The following STK25 variants were observed in gnomAD, a reference collection of about 807,000 sequenced individuals.
STK25 encodes serine/threonine-protein kinase 25.
STK25 carries 29 observed loss-of-function variants against 53.8 expected under a neutral mutation model. The observed-to-expected ratio is 0.54, with a 90% CI of 0.40 to 0.74. STK25 has a LOEUF of 0.74. STK25 is among the 30% of genes least tolerant of loss of function. The pLI, the probability that STK25 is intolerant of heterozygous loss-of-function variation, is 0.00. For synonymous variants in STK25, 247 were observed against 238.3 expected, an observed-to-expected ratio of 1.04 and a Z score of -0.33; for missense variants, 420 against 568.0, an observed-to-expected ratio of 0.74 and a Z score of 2.65.
intron 11 of STK25, among the ~76,000 whole-genome samples, chr2:241,495,995 G>C (rs1043579981): frequency 5.2e-4 from 79 of 152,216 alleles, no homozygotes; most frequent in Non-Finnish European, 1.0e-4. Flanking sequence ...GGAGGGCCCA[G>C]CATCTGTCCT....
intron 2 of STK25, among the ~76,000 whole-genome samples, chr2:241,504,750 TG>T (rs2124998367): frequency 6.6e-6 from 1 of 152,264 alleles, no homozygotes; most frequent in Non-Finnish European, 1.5e-5. Context: ...ATCAGCCCAC[TG>T]GCTGTCATAG....
intron 3 of STK25, 90 bp from the exon 4 acceptor site, chr2:241,500,886 C>T: frequency 7.6e-7 from 1 of 1,311,312 alleles, no homozygotes; most frequent in African/African-American, 1.5e-5. Context: ...CAGCCAGGGC[C>T]CAGGCCCCAC....
chr2:241,508,081 T>G lies in STK25; in HGVS notation c.-46A>C, dbSNP rs1297091103. 3 of 1,575,108 alleles carry G rather than the reference T, an allele frequency of 1.9e-6. No homozygotes were observed. Among genetic ancestry groups the G allele is most frequent in the Non-Finnish European group, 2.6e-6 (3 of 1,162,412 alleles). On this transcript the variant is annotated 5_prime_UTR_variant, in exon 2 of 12. Transcript: ENST00000316586. The stretch of plus-strand genomic sequence containing the variant: ...TCCGCCAGCAGCCCCAGGAGGCGTC[T>G]GGATCCCGCGGAGAGGCGCGGAGCC...
In STK25 at chr2:241,498,764, G is replaced by A. The variant is rs747049425; in HGVS notation, c.792C>T (p.Leu264=). Residue 264 remains leucine (L), a synonymous_variant, in exon 8 of 12, where the codon CTC becomes CTT. Coordinates refer to ENST00000316586, the MANE Select transcript of STK25 (RefSeq NM_001271977.2). ...AGCGTGTGATGAACTTGTGCTTCAG[G>A]AGCTCCTTGGCCGTGGGCCGCTGCA... ...DPRFRPTAKE[L]LKHKFITRYT... is the part of the protein sequence containing the mutation. 3.7e-6 allele frequency: 6 copies of A among 1,614,064 alleles called. No homozygotes were observed. The highest frequency in any genetic ancestry group is 5.1e-6 in the Non-Finnish European group (6 of 1,180,004).
chr2:241,498,518 G>A (rs1462054419), intron 8 of STK25, 121 bp downstream of exon 8: 2 of 1,364,106 alleles, frequency 1.5e-6, no homozygotes, highest in East Asian at 2.4e-5. Flanking sequence ...CCTTGAGGGG[G>A]TCCCTGCCCA....
Position 241,498,700 on chromosome 2 carries a change from G to A in STK25, c.856C>T (p.Arg286Cys), listed in dbSNP as rs763580944. ...KTSFLTELIDRYKRWKSEGHG... is the reference protein window; with the variant it reads ...KTSFLTELIDCYKRWKSEGHG... Reference sequence around the variant, plus strand: ...CCCTCTGACTTCCAGCGCTTATAGCGGTCGATGAGCTCCGTGAGGAAGGAG... The same window carrying A: ...CCCTCTGACTTCCAGCGCTTATAGCAGTCGATGAGCTCCGTGAGGAAGGAG... The change falls in exon 8 of 12, where the codon CGC becomes TGC. Residue 286 changes from arginine to cysteine, a missense_variant. Transcript: ENST00000316586. 8.7e-6 allele frequency: 14 copies of A among 1,614,014 alleles called. No individual in the cohort carries two copies. The Admixed American group carries it at 1.0e-4, about 12-fold the overall frequency.
At chr2:241,508,588 G>C (rs993447532), upstream of STK25, 2 of 989,126 alleles carry the variant, frequency 2.0e-6, no homozygotes, top group Admixed American at 6.1e-5. Context: ...AGAAAGCCCG[G>C]AGGCGACGGC....
At position 241,508,073 on chromosome 2, in the gene STK25, G is replaced by C; in HGVS notation, c.-38C>G. On this transcript the variant is annotated 5_prime_UTR_variant, in exon 2 of 12. Coordinates refer to ENST00000316586, the MANE Select transcript of STK25 (RefSeq NM_001271977.2). Reference sequence around the variant, plus strand: ...TCAGACCCTCCGCCAGCAGCCCCAGGAGGCGTCTGGATCCCGCGGAGAGGC... The same window carrying C: ...TCAGACCCTCCGCCAGCAGCCCCAGCAGGCGTCTGGATCCCGCGGAGAGGC... The C allele has an allele frequency of 6.3e-7, 1 of 1,582,486 alleles. No homozygotes were observed. Among genetic ancestry groups the C allele is most frequent in the Non-Finnish European group, 8.6e-7 (1 of 1,166,114 alleles).
chr2:241,493,276 C>G lies in STK25; in HGVS notation c.*2386G>C. On this transcript the variant is annotated 3_prime_UTR_variant, in exon 12 of 12. Transcript: ENST00000316586. ...CAACCCAGCCCCTGGAACCCGTGTCCCTATGCTGTCTTGCAGGATGACTAC... is the reference window on the plus strand; with the variant it reads ...CAACCCAGCCCCTGGAACCCGTGTCGCTATGCTGTCTTGCAGGATGACTAC... 1.9e-6 allele frequency: 3 copies of G among 1,612,926 alleles called. No individual in the cohort carries two copies. The highest frequency in any genetic ancestry group is 2.5e-6 in the Non-Finnish European group (3 of 1,179,618).
intron 2 of STK25, among the ~76,000 whole-genome samples, chr2:241,504,732 A>G (rs1559842319): frequency 6.6e-6 from 1 of 152,060 alleles, no homozygotes; most frequent in Non-Finnish European, 1.5e-5. Context: ...ATGTCAAAGC[A>G]TAAGCTCATC....
chr2:241,502,186 TAAC>T (rs921437211), intron 2 of STK25, among the ~76,000 whole-genome samples: 29 of 150,426 alleles, frequency 1.9e-4, no homozygotes, highest in Non-Finnish European at 8.9e-5. Flanking sequence ...AACAAACAAA[TAAC>T]AACAACAAAA....
chr2:241,508,549 G>A lies in STK25; in HGVS notation c.-207C>T, dbSNP rs923001693. The A allele has an allele frequency of 1.0e-6, 1 of 995,756 alleles. No individual in the cohort carries two copies. The highest frequency in any genetic ancestry group is 1.2e-6 in the Non-Finnish European group (1 of 835,976). 61.7% of individuals were successfully genotyped at this position (995,756 alleles called of 1,614,324 possible). A position where few individuals can be genotyped will look rare whatever the true frequency, so the allele number is the denominator to read the frequency against. ...GGGGACCCCGGGCCTCCCAGCCCGC[G>A]AAGCAACGGTGGTGGCGGCAGCGAC... On this transcript the variant is annotated 5_prime_UTR_variant, in exon 1 of 12. Coordinates refer to ENST00000316586, the MANE Select transcript of STK25 (RefSeq NM_001271977.2).
At position 241,495,096 on chromosome 2, in the gene STK25, ATT is replaced by A. The variant is rs1186459842; in HGVS notation, c.*564_*565del. The A allele has an allele frequency of 6.6e-6, 1 of 152,572 alleles. No homozygotes were observed. Among genetic ancestry groups the A allele is most frequent in the African/African-American group, 2.4e-5 (1 of 41,458 alleles). The allele number at this position is 152,572 out of a possible 1,614,324, so 9.5% of individuals were successfully genotyped here. ...AAAACTAACATATTAACCTCAGAAT[ATT>A]TCAGGAAACAAGTAATTCAATTTTC... is the stretch of plus-strand genomic sequence containing the variant. On this transcript the variant is annotated 3_prime_UTR_variant, in exon 12 of 12. Coordinates refer to ENST00000316586, the MANE Select transcript of STK25 (RefSeq NM_001271977.2).
chr2:241,493,080 AC>A lies in STK25; in HGVS notation c.*2581del. 8.2e-7 allele frequency: 1 copy of A among 1,217,438 alleles called. No homozygotes were observed. The highest frequency in any genetic ancestry group is 1.2e-6 in the Non-Finnish European group (1 of 818,108). The allele number at this position is 1,217,438 out of a possible 1,614,324, so 75.4% of individuals were successfully genotyped here. On this transcript the variant is annotated 3_prime_UTR_variant, in exon 12 of 12. Transcript: ENST00000316586. ...AGCCCAATGCAGGTGATGCTAGCAGACAGACACTTAACCCTGCTCACCTGTG... is the reference window on the plus strand; with the variant it reads ...AGCCCAATGCAGGTGATGCTAGCAGAAGACACTTAACCCTGCTCACCTGTG...
intron 5 of STK25, 64 bp from the exon 6 acceptor site, chr2:241,499,478 G>C: frequency 6.4e-7 from 1 of 1,564,708 alleles, no homozygotes; most frequent in Non-Finnish European, 8.7e-7. Flanking sequence ...CGGGCCCCCT[G>C]AGAAGGGCCA....
Position 241,496,468 on chromosome 2 carries a change from T to C in STK25, c.1171A>G (p.Ser391Gly). 12 of 1,613,624 alleles carry C rather than the reference T, an allele frequency of 7.4e-6. No homozygotes were observed. Among genetic ancestry groups the C allele is most frequent in the Non-Finnish European group, 8.5e-6 (10 of 1,179,948 alleles). ...GALEELENAF[S>G]LAEESCPGIS... ...CCGGGGCAGGACTCCTCGGCCAGGCTGAAGGCGTTCTCCAGCTCCTCCAGC... is the reference window on the plus strand; with the variant it reads ...CCGGGGCAGGACTCCTCGGCCAGGCCGAAGGCGTTCTCCAGCTCCTCCAGC... Residue 391 changes from serine (S) to glycine (G), a missense_variant, in exon 11 of 12, where the codon AGC becomes GGC. Transcript: ENST00000316586. The surrounding 1 kb of genome is among the most constrained non-coding windows in gnomAD (Gnocchi z 5.8).
upstream of STK25, chr2:241,509,227 C>A (rs4675809): frequency 0.13 from 19,239 of 152,542 alleles, 1,753 homozygotes; most frequent in Admixed American, 0.32. Flanking sequence ...CCTTACCTGT[C>A]AAGGGGTGGT....
In STK25 at chr2:241,492,831, G is replaced by T. The variant is rs2064976355; in HGVS notation, c.*2831C>A. The stretch of plus-strand genomic sequence containing the variant: ...AGAGGTAAAACCAAGGCCTCAGCTG[G>T]AGAAAGCATGCAGAGGCTTAGTCTT... On this transcript the variant is annotated 3_prime_UTR_variant, in exon 12 of 12. Transcript: ENST00000316586. 1 of 712,406 alleles carries T rather than the reference G, an allele frequency of 1.4e-6. No individual in the cohort carries two copies. The highest frequency in any genetic ancestry group is 2.5e-5 in the East Asian group (1 of 39,544). The allele number at this position is 712,406 out of a possible 1,614,324, so 44.1% of individuals were successfully genotyped here. A position where few individuals can be genotyped will look rare whatever the true frequency, so the allele number is the denominator to read the frequency against.
In STK25 at chr2:241,492,939, C is replaced by T; in HGVS notation, c.*2723G>A. The T allele has an allele frequency of 6.2e-7, 1 of 1,606,012 alleles. No individual in the cohort carries two copies. The highest frequency in any genetic ancestry group is 8.5e-7 in the Non-Finnish European group (1 of 1,172,648). On this transcript the variant is annotated 3_prime_UTR_variant, in exon 12 of 12. Coordinates refer to ENST00000316586, the MANE Select transcript of STK25 (RefSeq NM_001271977.2). ...TTCCTTTATTGACAGAACCAGCTTTCAGGATATCTGCTAAGAAAGTTCAAA... is the reference window on the plus strand; with the variant it reads ...TTCCTTTATTGACAGAACCAGCTTTTAGGATATCTGCTAAGAAAGTTCAAA...
Sources: allele counts gnomAD v4.1 joint callset (sites outside exome capture counted in the v4.1 genomes callset), GRCh38; gene constraint gnomAD v4.1.1; non-coding constraint Gnocchi (gnomAD v3.1); transcripts MANE v1.5; gene names NCBI Gene and HGNC (gene_info 2026-07-23, HGNC 2026-07-21).